Variants in SOX5 observed in about 807,000 individuals in gnomAD.
SOX5 encodes the protein transcription factor SOX-5.
Under a neutral mutation model 92.0 loss-of-function variants are expected in SOX5, and 9 were observed. The ratio of observed to expected loss-of-function variants is 0.10; its 90% CI spans 0.06 to 0.17. The LOEUF is 0.17. Among genes scored for constraint, SOX5 ranks in the 10% least tolerant of loss-of-function variants. The pLI is 1.00. For synonymous variants in SOX5, 344 were observed against 336.3 expected (o/e 1.02, Z -0.25); for missense variants, 642 against 944.5 (o/e 0.68, Z 4.20).
intron 2 of SOX5, among the ~76,000 whole-genome samples, chr12:23,877,264 T>C (rs2096937890): frequency 6.6e-6 from 1 of 152,182 alleles, no homozygotes; most frequent in Non-Finnish European, 1.5e-5. Context: ...ATTGCAGTTA[T>C]GCTAATTGTG....
At chr12:23,944,640 C>G (rs1215764339) in intron 1 of SOX5, among the ~76,000 whole-genome samples, 4 of 152,094 alleles carry the variant, frequency 2.6e-5, no homozygotes, top group Non-Finnish European at 5.9e-5. Flanking sequence ...TCACTTGATC[C>G]TGTTTATCTA....
intron 4 of SOX5, among the ~76,000 whole-genome samples, chr12:23,996,232 A>G (rs922581659): frequency 1.1e-4 from 17 of 152,220 alleles, no homozygotes; most frequent in Non-Finnish European, 2.2e-4. Flanking sequence ...ATGTGAAGAA[A>G]GAAAAGATGT....
chr12:23,776,808 G>A (rs1644554866), intron 3 of SOX5, among the ~76,000 whole-genome samples: 1 of 152,070 alleles, frequency 6.6e-6, no homozygotes, highest in East Asian at 1.9e-4. Flanking sequence ...GAGGAGCTCA[G>A]GCAGTCATGC....
intron 1 of SOX5, among the ~76,000 whole-genome samples, chr12:24,425,572 A>AT (rs1201706181): frequency 1.3e-5 from 2 of 152,130 alleles, no homozygotes; most frequent in East Asian, 1.9e-4. Flanking sequence ...GCACTTTGTA[A>AT]TTTTTTTACA....
At chr12:23,878,979 C>CT (rs1428045234) in intron 2 of SOX5, among the ~76,000 whole-genome samples, 1 of 152,104 alleles carries the variant, frequency 6.6e-6, no homozygotes, top group African/African-American at 2.4e-5. Context: ...TTGCCAGAAT[C>CT]TTCTCCTGTT....
intron 1 of SOX5, among the ~76,000 whole-genome samples, chr12:23,897,162 C>T (rs1483152134): frequency 6.6e-6 from 1 of 152,060 alleles, no homozygotes; most frequent in Non-Finnish European, 1.5e-5. Flanking sequence ...TTATTCTAGA[C>T]CAGTGAGATG....
intron 3 of SOX5, among the ~76,000 whole-genome samples, chr12:23,831,668 T>A (rs531565772): frequency 6.6e-6 from 1 of 152,182 alleles, no homozygotes; most frequent in South Asian, 2.1e-4. Flanking sequence ...AAAGTAACAC[T>A]AGGTAAGTTT....
chr12:23,540,126 C>G (rs925978716), intron 13 of SOX5, among the ~76,000 whole-genome samples: 1 of 150,358 alleles, frequency 6.7e-6, no homozygotes, highest in Non-Finnish European at 1.5e-5. Flanking sequence ...AAAATATCTA[C>G]TTGATTTGGG....
At chr12:23,882,214 C>T (rs1391450910) in intron 2 of SOX5, among the ~76,000 whole-genome samples, 2 of 151,894 alleles carry the variant, frequency 1.3e-5, no homozygotes, top group African/African-American at 2.4e-5. Context: ...CATTTTAAGC[C>T]CCTCTTGCTG....
intron 1 of SOX5, among the ~76,000 whole-genome samples, chr12:24,394,652 T>C (rs972110087): frequency 6.6e-6 from 1 of 152,232 alleles, no homozygotes; most frequent in Non-Finnish European, 1.5e-5. Flanking sequence ...TATCTCTATC[T>C]GATTGTGATG....
chr12:24,037,716 G>C (rs1956179748), intron 4 of SOX5, among the ~76,000 whole-genome samples: 1 of 152,116 alleles, frequency 6.6e-6, no homozygotes, highest in African/African-American at 2.4e-5. Flanking sequence ...GATGTTACAT[G>C]TCATGAATGT....
chr12:24,127,212 A>T (rs1012815758), intron 4 of SOX5, among the ~76,000 whole-genome samples: 4 of 151,546 alleles, frequency 2.6e-5, no homozygotes, highest in African/African-American at 9.7e-5. Flanking sequence ...GCAACATGGC[A>T]AAACCCTGTC....
In SOX5 at chr12:24,364,504, A is replaced by G. The variant is rs551538800; in HGVS notation, c.-174+4059T>C. 2.5e-3 allele frequency among the ~76,000 whole-genome samples: 267 copies of G among 107,054 alleles called. 1 individual carries two copies. Among genetic ancestry groups the G allele is most frequent in the Non-Finnish European group, 2.8e-3 (156 of 55,244 alleles). The allele number at this position is 107,054 out of a possible 152,430, so 70.2% of individuals were successfully genotyped here. A position where few individuals can be genotyped will look rare whatever the true frequency, so the allele number is the denominator to read the frequency against. ...GTCAGCCAAAACTGAACAACTTAAC[A>G]TTTTTTCATATATATATATATATAT... is the stretch of plus-strand genomic sequence containing the variant. On this transcript the variant is annotated intron_variant, in intron 2 of 4. Transcript: ENST00000446891.
At chr12:23,689,160 T>C (rs1286741326) in intron 6 of SOX5, among the ~76,000 whole-genome samples, 1 of 152,132 alleles carries the variant, frequency 6.6e-6, no homozygotes, top group African/African-American at 2.4e-5. Context: ...CCCTTCTTAA[T>C]GCTTAAGTCG....
intron 1 of SOX5, among the ~76,000 whole-genome samples, chr12:24,403,427 G>A (rs971482690): frequency 2.6e-5 from 4 of 152,152 alleles, no homozygotes. Context: ...GTAAAGCTCG[G>A]TTGAATGAAT....
At chr12:23,868,999 T>C (rs1014725449) in intron 2 of SOX5, among the ~76,000 whole-genome samples, 1 of 152,132 alleles carries the variant, frequency 6.6e-6, no homozygotes, top group African/African-American at 2.4e-5. Context: ...CATTAAAACA[T>C]AATCTTTCAG....
intron 4 of SOX5, among the ~76,000 whole-genome samples, chr12:24,157,628 A>C (rs1472754474): frequency 1.3e-5 from 2 of 152,100 alleles, no homozygotes; most frequent in African/African-American, 2.4e-5. Context: ...TCTGAATTTC[A>C]ATAAGTGATT....
chr12:23,794,449 T>A (rs962555268), intron 3 of SOX5, among the ~76,000 whole-genome samples: 5 of 152,140 alleles, frequency 3.3e-5, no homozygotes, highest in Non-Finnish European at 7.4e-5. Context: ...TGTAAACTAC[T>A]GGGTTAAATG....
intron 1 of SOX5, among the ~76,000 whole-genome samples, chr12:23,911,034 G>T (rs894265831): frequency 4.6e-5 from 7 of 151,864 alleles, no homozygotes; most frequent in Admixed American, 2.6e-4. Context: ...TTTTTCTTAT[G>T]AAACAGATAT....
Sources: gnomAD v4.1 joint callset for allele counts (sites outside exome capture counted in the v4.1 genomes callset) on GRCh38, gnomAD v4.1.1 for gene constraint, MANE v1.5 for transcripts, NCBI Gene and HGNC (gene_info 2026-07-23, HGNC 2026-07-21) for gene names.